ARID5B: variants seen among roughly 807,000 people sequenced by gnomAD.
The protein encoded by ARID5B is AT-rich interaction domain 5B, also known as AT-rich interactive domain-containing protein 5B.
A neutral mutation model predicts 97.2 loss-of-function variants in ARID5B; 13 were observed. The ratio of observed to expected loss-of-function variants is 0.13; its 90% CI spans 0.09 to 0.21. The LOEUF is 0.21. Ranked by LOEUF, ARID5B falls within the 10% of genes least tolerant of loss-of-function variation. ARID5B has a pLI of 1.00. For synonymous variants in ARID5B, 556 were observed against 570.3 expected, an observed-to-expected ratio of 0.97 and a Z score of 0.36; for missense variants, 1,210 against 1,465.3, an observed-to-expected ratio of 0.83 and a Z score of 2.84.
At chr10:61,928,339 C>T (rs1174975252) in intron 2 of ARID5B, among the ~76,000 whole-genome samples, 1 of 152,132 alleles carries the variant, frequency 6.6e-6, no homozygotes, top group Non-Finnish European at 1.5e-5. Flanking sequence ...TCAACTCTGT[C>T]ACCTAGGCTG....
At chr10:62,082,761 A>G (rs1179149603) in intron 8 of ARID5B, among the ~76,000 whole-genome samples, 1 of 152,128 alleles carries the variant, frequency 6.6e-6, no homozygotes, top group Non-Finnish European at 1.5e-5. Context: ...ACTTCTAATA[A>G]TCATATGATA....
chr10:62,050,470 A>G (rs540980744), intron 4 of ARID5B, among the ~76,000 whole-genome samples: 2 of 152,224 alleles, frequency 1.3e-5, no homozygotes, highest in Admixed American at 6.5e-5. Context: ...TTTCATTACT[A>G]TGATACCATA....
intron 4 of ARID5B, among the ~76,000 whole-genome samples, chr10:62,016,347 A>T (rs1483256748): frequency 6.6e-6 from 1 of 152,246 alleles, no homozygotes; most frequent in African/African-American, 2.4e-5. Flanking sequence ...GGTTCATTAA[A>T]TTTTAAGACA....
intron 3 of ARID5B, among the ~76,000 whole-genome samples, chr10:61,972,113 C>A (rs1190411080): frequency 1.3e-5 from 2 of 151,988 alleles, no homozygotes; most frequent in Non-Finnish European, 2.9e-5. Flanking sequence ...CAGAATACCA[C>A]CATACTGAGA....
chr10:61,961,379 G>A (rs887392467), intron 3 of ARID5B, among the ~76,000 whole-genome samples: 12 of 152,082 alleles, frequency 7.9e-5, no homozygotes, highest in Non-Finnish European at 1.6e-4. Flanking sequence ...CATTTCCTTT[G>A]AGGCTTTTCT....
At chr10:61,913,134 A>G (rs1843838365) in intron 2 of ARID5B, among the ~76,000 whole-genome samples, 1 of 152,198 alleles carries the variant, frequency 6.6e-6, no homozygotes, top group Admixed American at 6.5e-5. Flanking sequence ...ATACAAGGCA[A>G]AAGGCAGACC....
rs1352309345 is a variant in ARID5B, at chr10:62,085,854, G to A, written c.1352G>A (p.Ser451Asn). 4 of 1,613,682 alleles carry A rather than the reference G, an allele frequency of 2.5e-6. No homozygotes were observed. The highest frequency in any genetic ancestry group is 1.7e-5 in the Admixed American group (1 of 59,918). ...TKRIKHEIPKSKKEKENAPKP... is the reference protein window; with the variant it reads ...TKRIKHEIPKNKKEKENAPKP... Reference sequence around the variant, plus strand: ...CGCATCAAACATGAAATACCTAAAAGCAAGAAAGAAAAAGAAAATGCCCCA... The same window carrying A: ...CGCATCAAACATGAAATACCTAAAAACAAGAAAGAAAAAGAAAATGCCCCA... Residue 451 changes from serine (S) to asparagine (N), a missense_variant, in exon 9 of 10, where the codon AGC becomes AAC. Ser to Asn is a conservative substitution (Grantham distance 46). Coordinates refer to ENST00000279873, the MANE Select transcript of ARID5B (RefSeq NM_032199.3).
chr10:61,902,065 G>A (rs1843625732), intron 1 of ARID5B, 94 bp from the exon 2 acceptor site: 2 of 1,461,924 alleles, frequency 1.4e-6, no homozygotes, highest in African/African-American at 1.4e-5. Flanking sequence ...TCTGTATTAA[G>A]AGAGTGGATG....
chr10:61,958,237 G>A (rs919425011), intron 3 of ARID5B, among the ~76,000 whole-genome samples: 42 of 152,188 alleles, frequency 2.8e-4, no homozygotes, highest in African/African-American at 9.7e-4. Flanking sequence ...AGTAGGCATT[G>A]TGACCTCTTT....
intron 2 of ARID5B, among the ~76,000 whole-genome samples, chr10:61,923,209 G>A (rs1045545815): frequency 6.6e-6 from 1 of 152,152 alleles, no homozygotes; most frequent in African/African-American, 2.4e-5. Flanking sequence ...CACGTGTGCT[G>A]TTCCTCTGCC....
At chr10:61,950,590 T>C (rs1364001492) in intron 3 of ARID5B, among the ~76,000 whole-genome samples, 1 of 152,160 alleles carries the variant, frequency 6.6e-6, no homozygotes, top group Non-Finnish European at 1.5e-5. Context: ...CAATCACTTA[T>C]GCCCAGGAAT....
At chr10:62,082,893 G>A (rs975539320) in intron 8 of ARID5B, among the ~76,000 whole-genome samples, 4 of 152,124 alleles carry the variant, frequency 2.6e-5, no homozygotes, top group Non-Finnish European at 5.9e-5. Flanking sequence ...GTGCGAGACC[G>A]TGCCCTGTTC....
At chr10:62,071,497 G>C (rs1260213724) in intron 8 of ARID5B, among the ~76,000 whole-genome samples, 1 of 151,264 alleles carries the variant, frequency 6.6e-6, no homozygotes, top group Non-Finnish European at 1.5e-5. Context: ...TCAGCTGTTA[G>C]CTCATCTAGT....
intron 2 of ARID5B, among the ~76,000 whole-genome samples, chr10:61,919,039 C>A (rs1166299838): frequency 7.5e-5 from 2 of 26,752 alleles, no homozygotes; most frequent in African/African-American, 1.1e-4. Context: ...GACTCCGTCC[C>A]CCCCCCCCCC....
At chr10:61,941,820 CAA>C (rs1844415839) in intron 3 of ARID5B, among the ~76,000 whole-genome samples, 1 of 152,074 alleles carries the variant, frequency 6.6e-6, no homozygotes, top group South Asian at 2.1e-4. Context: ...CTTCTAAAGC[CAA>C]AGAGTTTTTT....
chr10:62,013,881 A>G (rs1417335321), intron 4 of ARID5B, among the ~76,000 whole-genome samples: 1 of 151,346 alleles, frequency 6.6e-6, no homozygotes, highest in Non-Finnish European at 1.5e-5. Context: ...TTCATATGAT[A>G]CTTTGATAAA....
At chr10:62,062,779 CAAAAAAAA>C (rs55969343) in intron 7 of ARID5B, among the ~76,000 whole-genome samples, 6 of 86,166 alleles carry the variant, frequency 7.0e-5, no homozygotes, top group East Asian at 3.3e-4. Context: ...GGCCTTTGTG[CAAAAAAAA>C]AAAAAAAAAA....
chr10:62,062,519 T>A (rs1839933798), intron 7 of ARID5B, among the ~76,000 whole-genome samples: 1 of 152,162 alleles, frequency 6.6e-6, no homozygotes. Flanking sequence ...GCCAAGTGTT[T>A]CCCATGGCTC....
chr10:62,063,368 C>T (rs763530220), intron 7 of ARID5B, among the ~76,000 whole-genome samples: 7 of 152,170 alleles, frequency 4.6e-5, no homozygotes, highest in Non-Finnish European at 8.8e-5. Context: ...AGACATCTCT[C>T]TGGAATCCCT....
Sources: allele counts gnomAD v4.1 joint callset (sites outside exome capture counted in the v4.1 genomes callset), GRCh38; gene constraint gnomAD v4.1.1; transcripts MANE v1.5; gene names NCBI Gene and HGNC (gene_info 2026-07-23, HGNC 2026-07-21).